RXFP2: variants seen among roughly 807,000 people sequenced by gnomAD.
RXFP2 encodes the protein relaxin family peptide receptor 2, also known as relaxin receptor 2.
In RXFP2, 68 loss-of-function variants were observed where a neutral mutation model predicts 88.6. That is an observed-to-expected ratio of 0.77 (90% CI 0.63 to 0.94). RXFP2 has a LOEUF of 0.94. Ranked by LOEUF, RXFP2 falls within the 40% of genes least tolerant of loss-of-function variation. RXFP2 has a pLI of 0.00. For synonymous variants in RXFP2, 329 were observed against 306.8 expected, an observed-to-expected ratio of 1.07 and a Z score of -0.76; for missense variants, 791 against 893.9, an observed-to-expected ratio of 0.88 and a Z score of 1.47.
intron 1 of RXFP2, among the ~76,000 whole-genome samples, chr13:31,743,735 A>G (rs1018481725): frequency 6.6e-6 from 1 of 150,860 alleles, no homozygotes; most frequent in Admixed American, 6.6e-5. Flanking sequence ...CTCCATTTTC[A>G]TGTCTCGCCC....
intron 2 of RXFP2, among the ~76,000 whole-genome samples, chr13:31,761,010 G>A (rs1026652929): frequency 3.9e-5 from 6 of 151,916 alleles, no homozygotes; most frequent in Non-Finnish European, 8.8e-5. Context: ...GCTGGAGTGT[G>A]GTGCCATGAT....
chr13:31,792,812 C>A lies in RXFP2; in HGVS notation c.1510C>A (p.Leu504Met). The A allele has an allele frequency of 6.2e-7, 1 of 1,614,164 alleles. No individual in the cohort carries two copies. Among genetic ancestry groups the A allele is most frequent in the East Asian group, 2.2e-5 (1 of 44,880 alleles). The change falls in exon 16 of 18, where the codon CTG (leucine) becomes ATG (methionine). Residue 504 changes from leucine to methionine, a missense_variant. By Grantham distance (15) the Leu-to-Met change is conservative. Coordinates refer to ENST00000298386, the MANE Select transcript of RXFP2 (RefSeq NM_130806.5). ...QCRLMGFLAM[L>M]STEVSVLLLT... ...CCGCCTCATGGGGTTCCTGGCCATG[C>A]TGTCCACCGAAGTCTCTGTTCTGCT...
In RXFP2 at chr13:31,802,452, G is replaced by C. The variant is rs200792098; in HGVS notation, c.*47G>C. Reference sequence around the variant, plus strand: ...CTTTCAGTGGACTACCTAAAACAGGGGACAGCTTTTGGAAGATGACATCTG... The same window carrying C: ...CTTTCAGTGGACTACCTAAAACAGGCGACAGCTTTTGGAAGATGACATCTG... On this transcript the variant is annotated 3_prime_UTR_variant, in exon 18 of 18. Coordinates refer to ENST00000298386, the MANE Select transcript of RXFP2 (RefSeq NM_130806.5). The C allele has an allele frequency of 6.9e-6, 11 of 1,597,828 alleles. No individual in the cohort carries two copies. The highest frequency in any genetic ancestry group is 2.2e-5 in the East Asian group (1 of 44,822).
intron 8 of RXFP2, 28 bp downstream of exon 8, chr13:31,777,475 T>A (rs376096417): frequency 6.8e-6 from 10 of 1,468,400 alleles, no homozygotes; most frequent in Middle Eastern, 1.9e-4. Context: ...TTTCAATACA[T>A]CTATCGATAC....
intron 1 of RXFP2, among the ~76,000 whole-genome samples, chr13:31,752,330 C>A (rs1871708632): frequency 6.6e-6 from 1 of 152,018 alleles, no homozygotes; most frequent in Non-Finnish European, 1.5e-5. Flanking sequence ...CTTTTACCAG[C>A]ATGAAGTGTT....
chr13:31,741,445 T>C (rs181925654), intron 1 of RXFP2, among the ~76,000 whole-genome samples: 2,084 of 152,270 alleles, frequency 0.014, 52 homozygotes, highest in African/African-American at 0.048. Context: ...TTAGTAAAAC[T>C]CTTTTCTTTT....
chr13:31,749,859 C>T (rs55770536), intron 1 of RXFP2, among the ~76,000 whole-genome samples: 32,955 of 152,026 alleles, frequency 0.22, 3,727 homozygotes, highest in South Asian at 0.4. Flanking sequence ...TTAATTTACT[C>T]TCCTTGTTTA....
chr13:31,781,639 T>C (rs1873279956), intron 9 of RXFP2, 32 bp from the exon 10 acceptor site: 2 of 1,488,290 alleles, frequency 1.3e-6, no homozygotes, highest in Admixed American at 1.7e-5. Flanking sequence ...GTACAAAAAA[T>C]ATTAAAAATA....
At chr13:31,795,888 C>G (rs533452596) in intron 16 of RXFP2, among the ~76,000 whole-genome samples, 1 of 151,008 alleles carries the variant, frequency 6.6e-6, no homozygotes, top group Admixed American at 6.6e-5. Flanking sequence ...TATATTTGGG[C>G]CCAAAAGAAT....
intron 17 of RXFP2, among the ~76,000 whole-genome samples, chr13:31,801,734 G>T (rs763379091): frequency 6.6e-6 from 1 of 152,210 alleles, no homozygotes; most frequent in Non-Finnish European, 1.5e-5. Context: ...ACTGGATGGA[G>T]TTAAGACCAA....
chr13:31,760,011 C>T (rs1265665331), intron 2 of RXFP2, among the ~76,000 whole-genome samples: 2 of 152,202 alleles, frequency 1.3e-5, no homozygotes, highest in Admixed American at 6.5e-5. Flanking sequence ...TCTGTTATCA[C>T]AGCACCCTGG....
chr13:31,763,980 T>C (rs577525959), intron 3 of RXFP2, among the ~76,000 whole-genome samples: 1 of 152,298 alleles, frequency 6.6e-6, no homozygotes, highest in East Asian at 1.9e-4. Flanking sequence ...AGAAGTTTGT[T>C]GGCTTTACTA....
intron 3 of RXFP2, among the ~76,000 whole-genome samples, chr13:31,764,077 T>C (rs1872430335): frequency 6.6e-6 from 1 of 152,072 alleles, no homozygotes; most frequent in African/African-American, 2.4e-5. Context: ...AACTTATAAT[T>C]ACATTAAAAT....
intron 11 of RXFP2, among the ~76,000 whole-genome samples, chr13:31,785,817 C>T (rs564865078): frequency 6.6e-6 from 1 of 152,216 alleles, no homozygotes; most frequent in East Asian, 1.9e-4. Context: ...AGGATTCTGT[C>T]TGGATTGGAC....
intron 1 of RXFP2, among the ~76,000 whole-genome samples, chr13:31,742,288 G>A (rs953603050): frequency 2.6e-5 from 4 of 152,224 alleles, no homozygotes; most frequent in African/African-American, 9.6e-5. Flanking sequence ...AGCAGTGTTT[G>A]ACTGCCCCCT....
At chr13:31,777,277 T>C in intron 7 of RXFP2, 99 bp from the exon 8 acceptor site, 6 of 791,040 alleles carry the variant, frequency 7.6e-6, no homozygotes, top group Admixed American at 6.0e-5. Context: ...GAGCCAAGTA[T>C]GGAAGCACAC....
At chr13:31,750,752 T>A (rs1871631133) in intron 1 of RXFP2, among the ~76,000 whole-genome samples, 1 of 152,346 alleles carries the variant, frequency 6.6e-6, no homozygotes, top group Middle Eastern at 3.4e-3. Flanking sequence ...TCAAAATGGA[T>A]GACAGTGATT....
chr13:31,767,778 C>A (rs1336203109), intron 5 of RXFP2, among the ~76,000 whole-genome samples: 1 of 152,110 alleles, frequency 6.6e-6, no homozygotes, highest in Non-Finnish European at 1.5e-5. Context: ...TAACAGGAAA[C>A]CTTAAGAGGG....
rs192103269 is a variant in RXFP2 at position 31,793,433 on chromosome 13, T to A, written c.1786+345T>A. On this transcript the variant is annotated intron_variant, in intron 16 of 17. Coordinates refer to ENST00000298386, the MANE Select transcript of RXFP2 (RefSeq NM_130806.5). The stretch of plus-strand genomic sequence containing the variant: ...AAACCTACCAAGTTATTTAAACTCT[T>A]TTTTTTTTTTTTACAATCTAGTTAT... Among the ~76,000 whole-genome samples the A allele has an allele frequency of 2.8e-5, 4 of 145,388 alleles. No homozygotes were observed. The East Asian group carries it at 8.1e-4, about 30-fold the overall frequency.
Sources: allele counts gnomAD v4.1 joint callset (sites outside exome capture counted in the v4.1 genomes callset), GRCh38; gene constraint gnomAD v4.1.1; transcripts MANE v1.5; gene names NCBI Gene and HGNC (gene_info 2026-07-23, HGNC 2026-07-21).